CACNA2D3: variants seen among roughly 807,000 people sequenced by gnomAD.
CACNA2D3 encodes the protein calcium voltage-gated channel auxiliary subunit alpha2delta 3, also known as voltage-dependent calcium channel subunit alpha-2/delta-3.
A neutral mutation model predicts 160.6 loss-of-function variants in CACNA2D3; 60 were observed. That is an observed-to-expected ratio of 0.37 (90% confidence interval 0.30 to 0.46). The LOEUF is 0.46. Ranked by LOEUF, CACNA2D3 falls within the 20% of genes least tolerant of loss-of-function variation. The pLI, the probability that CACNA2D3 is intolerant of heterozygous loss-of-function variation, is 1.00. For synonymous variants in CACNA2D3, 558 were observed against 492.9 expected (o/e 1.13, Z -1.75); for missense variants, 1,205 against 1,365.0 (o/e 0.88, Z 1.85).
intron 20 of CACNA2D3, among the ~76,000 whole-genome samples, chr3:54,879,752 C>G (rs185083509): frequency 1.3e-5 from 2 of 152,270 alleles, no homozygotes; most frequent in Admixed American, 1.3e-4. Context: ...TCCATTTCAC[C>G]TTTTATTTCC....
chr3:54,457,964 T>C (rs1039025036), intron 4 of CACNA2D3, among the ~76,000 whole-genome samples: 2 of 152,084 alleles, frequency 1.3e-5, no homozygotes, highest in Non-Finnish European at 2.9e-5. Context: ...TTTAAGTCTT[T>C]GGGTCTTTAC....
rs1206606840 is a variant in CACNA2D3, at chr3:54,788,197, TC to T, written c.1380+23847del. ...CTGTCAGTCATGATATTACTGTGGG[TC>T]ATAAGGGTTTGAAAACCTTTTACCT... On this transcript the variant is annotated intron_variant, in intron 13 of 37. Transcript: ENST00000474759. Among the ~76,000 whole-genome samples the T allele has an allele frequency of 1.4e-4, 22 of 152,354 alleles. No individual in the cohort carries two copies. The East Asian group carries it at 3.1e-3, about 21-fold the overall frequency.
At chr3:54,505,511 C>T in intron 5 of CACNA2D3, among the ~76,000 whole-genome samples, 1 of 152,140 alleles carries the variant, frequency 6.6e-6, no homozygotes, top group East Asian at 1.9e-4. Flanking sequence ...GGAACCAAGA[C>T]ATAGAGGGCT....
chr3:54,730,107 C>G (rs1283581178), intron 11 of CACNA2D3, among the ~76,000 whole-genome samples: 2 of 151,986 alleles, frequency 1.3e-5, no homozygotes, highest in Non-Finnish European at 2.9e-5. Context: ...AAGCCATAGT[C>G]CCACCTGAAA....
At chr3:54,505,789 C>T (rs566264793) in intron 5 of CACNA2D3, among the ~76,000 whole-genome samples, 55 of 152,174 alleles carry the variant, frequency 3.6e-4, no homozygotes, top group Non-Finnish European at 6.9e-4. Context: ...TTTAATTGCA[C>T]CTCTAGCTTT....
chr3:54,571,437 G>A (rs1036315976), intron 8 of CACNA2D3, among the ~76,000 whole-genome samples: 3 of 151,678 alleles, frequency 2.0e-5, no homozygotes, highest in African/African-American at 4.8e-5. Context: ...AGTCCATTCA[G>A]ATGGTTGGGG....
chr3:54,467,674 A>G (rs1700653132), intron 4 of CACNA2D3, among the ~76,000 whole-genome samples: 1 of 152,192 alleles, frequency 6.6e-6, no homozygotes, highest in South Asian at 2.1e-4. Context: ...GAATGTAAAA[A>G]GTTGTTCTCA....
chr3:54,920,563 G>A (rs143860119), intron 27 of CACNA2D3, among the ~76,000 whole-genome samples: 7 of 152,208 alleles, frequency 4.6e-5, no homozygotes, highest in African/African-American at 1.7e-4. Flanking sequence ...TGCTCCAGAT[G>A]AGTTCAAAGT....
chr3:54,796,820 T>A (rs1429265567), intron 13 of CACNA2D3, among the ~76,000 whole-genome samples: 1 of 152,120 alleles, frequency 6.6e-6, no homozygotes, highest in Non-Finnish European at 1.5e-5. Flanking sequence ...ATTACGTTTT[T>A]CATAGGAGTA....
At chr3:54,626,358 G>T (rs921194329) in intron 9 of CACNA2D3, 7 of 1,558,756 alleles carry the variant, frequency 4.5e-6, no homozygotes, top group Non-Finnish European at 6.1e-6. Flanking sequence ...ACCGGGGCCT[G>T]CGGCGGAAGC....
chr3:54,712,758 G>C (rs2106966841), intron 11 of CACNA2D3, among the ~76,000 whole-genome samples: 1 of 152,246 alleles, frequency 6.6e-6, no homozygotes, highest in South Asian at 2.1e-4. Context: ...TTGGCCCATT[G>C]CCCCTTCCAT....
At chr3:54,286,648 T>C (rs1703035229) in intron 2 of CACNA2D3, among the ~76,000 whole-genome samples, 1 of 151,920 alleles carries the variant, frequency 6.6e-6, no homozygotes, top group South Asian at 2.1e-4. Flanking sequence ...AAAGTTGAAA[T>C]GAAGGAAAAA....
chr3:54,364,056 C>T (rs956930570), intron 3 of CACNA2D3, among the ~76,000 whole-genome samples: 3 of 152,110 alleles, frequency 2.0e-5, no homozygotes, highest in Non-Finnish European at 4.4e-5. Flanking sequence ...AACATTATGG[C>T]GCCTGAGCCC....
intron 9 of CACNA2D3, among the ~76,000 whole-genome samples, chr3:54,591,576 T>G (rs1307666990): frequency 6.6e-6 from 1 of 150,924 alleles, no homozygotes; most frequent in African/African-American, 2.4e-5. Flanking sequence ...AGTTTTTTTT[T>G]TTTTTTTTTT....
intron 2 of CACNA2D3, among the ~76,000 whole-genome samples, chr3:54,175,468 C>T (rs921850673): frequency 1.3e-5 from 2 of 151,864 alleles, no homozygotes; most frequent in African/African-American, 4.8e-5. Flanking sequence ...AAAAAATTAG[C>T]TGGGCATGGT....
chr3:54,176,628 G>A (rs576189916), intron 2 of CACNA2D3, among the ~76,000 whole-genome samples: 1 of 152,272 alleles, frequency 6.6e-6, no homozygotes, highest in South Asian at 2.1e-4. Flanking sequence ...ATTAGCTTGT[G>A]TAGCTTTTTG....
chr3:54,515,816 G>C (rs956270436), intron 5 of CACNA2D3, among the ~76,000 whole-genome samples: 1 of 152,172 alleles, frequency 6.6e-6, no homozygotes, highest in African/African-American at 2.4e-5. Flanking sequence ...GTGCTTCCAA[G>C]GGTCACACTG....
intron 5 of CACNA2D3, among the ~76,000 whole-genome samples, chr3:54,546,789 A>G (rs1239192701): frequency 1.3e-5 from 2 of 152,120 alleles, no homozygotes; most frequent in East Asian, 1.9e-4. Flanking sequence ...TGGAAGGCCC[A>G]TTCATCTTGG....
In CACNA2D3 at chr3:55,023,556, C is replaced by T. The variant is rs186099151; in HGVS notation, c.2987+5239C>T. On this transcript the variant is annotated intron_variant, in intron 35 of 37. Coordinates refer to ENST00000474759, the MANE Select transcript of CACNA2D3 (RefSeq NM_018398.3). The stretch of plus-strand genomic sequence containing the variant: ...AGGAGTATCAATCCTCTTTTTTCTT[C>T]TATCTGTGTTTTTCCATGTTAGATT... Among the ~76,000 whole-genome samples the T allele has an allele frequency of 1.9e-4, 29 of 151,944 alleles. No homozygotes were observed. In the East Asian group the frequency reaches 5.2e-3, roughly 27 times the overall value.
Sources: gnomAD v4.1 joint callset for allele counts (sites outside exome capture counted in the v4.1 genomes callset) on GRCh38, gnomAD v4.1.1 for gene constraint, MANE v1.5 for transcripts, NCBI Gene and HGNC (gene_info 2026-07-23, HGNC 2026-07-21) for gene names.